The following GALNT17 variants were observed in gnomAD, a reference collection of about 807,000 sequenced individuals.
GALNT17 encodes the protein UDP-GalNAc:polypeptide N-acetylgalactosaminyltransferase-like 3.
GALNT17 carries 29 observed loss-of-function variants against 63.7 expected under a neutral mutation model. The observed-to-expected ratio is 0.46, with a 90% CI of 0.34 to 0.62. The LOEUF is 0.62. Ranked by LOEUF, GALNT17 falls within the 20% of genes least tolerant of loss-of-function variation. The pLI, the probability that GALNT17 is intolerant of heterozygous loss-of-function variation, is 0.01. For synonymous variants in GALNT17, 305 were observed against 318.3 expected (o/e 0.96, Z 0.45); for missense variants, 603 against 799.6 (o/e 0.75, Z 2.97).
At chr7:71,142,978 G>C (rs1346466119) in intron 1 of GALNT17, among the ~76,000 whole-genome samples, 1 of 151,924 alleles carries the variant, frequency 6.6e-6, no homozygotes, top group African/African-American at 2.4e-5. Flanking sequence ...CACTGAGCCT[G>C]GAAGTAGGGA....
rs115252724 is a variant in GALNT17 at position 71,384,286 on chromosome 7, C to T, written c.423-3949C>T. On this transcript the variant is annotated intron_variant, in intron 2 of 10. Transcript: ENST00000333538. ...GCTCACATGGTTGTGGTAACTGGCA[C>T]ATCCCACGTCCGCATGGTAGGTGGA... 3.9e-3 allele frequency among the ~76,000 whole-genome samples: 589 copies of T among 152,300 alleles called. 3 individuals are homozygous for T. Among genetic ancestry groups the T allele is most frequent in the African/African-American group, 0.013 (550 of 41,558 alleles).
At chr7:71,689,871 C>G (rs1791415234) in intron 9 of GALNT17, among the ~76,000 whole-genome samples, 1 of 152,144 alleles carries the variant, frequency 6.6e-6, no homozygotes, top group African/African-American at 2.4e-5. Context: ...CAGCTGGTGA[C>G]TTTAAGTTGA....
chr7:71,157,952 C>G (rs1157805362), intron 1 of GALNT17, among the ~76,000 whole-genome samples: 2 of 151,548 alleles, frequency 1.3e-5, no homozygotes, highest in Non-Finnish European at 2.9e-5. Flanking sequence ...GCAAATGACA[C>G]GATTTCATCA....
At chr7:71,260,679 T>C (rs940092659) in intron 1 of GALNT17, among the ~76,000 whole-genome samples, 3 of 151,970 alleles carry the variant, frequency 2.0e-5, no homozygotes, top group Non-Finnish European at 2.9e-5. Context: ...CCCAGCTCTC[T>C]GTACTCCTGG....
intron 1 of GALNT17, among the ~76,000 whole-genome samples, chr7:71,146,440 C>T (rs1030363504): frequency 3.3e-5 from 5 of 152,176 alleles, no homozygotes; most frequent in Admixed American, 2.6e-4. Flanking sequence ...GCCAACTCTC[C>T]ATGGGTGGCT....
At chr7:71,169,861 G>A (rs899304317) in intron 1 of GALNT17, among the ~76,000 whole-genome samples, 1 of 151,982 alleles carries the variant, frequency 6.6e-6, no homozygotes, top group Non-Finnish European at 1.5e-5. Context: ...CAGCCTTGGT[G>A]TACTTTTAGA....
chr7:71,628,809 G>A (rs1277148072), intron 6 of GALNT17, among the ~76,000 whole-genome samples: 1 of 151,990 alleles, frequency 6.6e-6, no homozygotes, highest in East Asian at 2.0e-4. Flanking sequence ...GCAAACGCCT[G>A]TAATCCCAGC....
chr7:71,150,516 CTTTTTTT>C (rs1039115599), intron 1 of GALNT17, among the ~76,000 whole-genome samples: 39 of 141,462 alleles, frequency 2.8e-4, no homozygotes, highest in Non-Finnish European at 4.7e-4. Context: ...TTTTCTTTTT[CTTTTTTT>C]TTTTTTTGAG....
At chr7:71,690,058 C>G (rs556664062) in intron 9 of GALNT17, among the ~76,000 whole-genome samples, 124 of 148,916 alleles carry the variant, frequency 8.3e-4, no homozygotes, top group African/African-American at 3.0e-3. Flanking sequence ...CGGAGTCTCA[C>G]TCTGTCACCA....
At chr7:71,563,665 A>G (rs10259301) in intron 5 of GALNT17, among the ~76,000 whole-genome samples, 18,016 of 151,826 alleles carry the variant, frequency 0.12, 1,665 homozygotes, top group African/African-American at 0.26. Context: ...TGCAGCCTCA[A>G]CCTCCCAGGT....
At chr7:71,373,585 C>T (rs898598107) in intron 2 of GALNT17, among the ~76,000 whole-genome samples, 9 of 152,078 alleles carry the variant, frequency 5.9e-5, no homozygotes, top group African/African-American at 2.2e-4. Context: ...TACAGCTGCT[C>T]CCCATCCCTC....
intron 1 of GALNT17, among the ~76,000 whole-genome samples, chr7:71,236,340 C>T (rs1258063003): frequency 2.0e-5 from 3 of 152,002 alleles, no homozygotes; most frequent in Non-Finnish European, 4.4e-5. Flanking sequence ...CTCCAAAGAC[C>T]AAACTGAAAC....
chr7:71,566,019 G>GC (rs1789338069), intron 5 of GALNT17, among the ~76,000 whole-genome samples: 1 of 140,592 alleles, frequency 7.1e-6, no homozygotes, highest in African/African-American at 2.7e-5. Flanking sequence ...AATTTTGTGG[G>GC]TTTTGTTTGT....
At chr7:71,621,536 TTG>T (rs1562713238) in intron 6 of GALNT17, among the ~76,000 whole-genome samples, 65 of 123,800 alleles carry the variant, frequency 5.3e-4, no homozygotes, top group African/African-American at 2.3e-3. Context: ...GATGGATGGA[TTG>T]ATGGATTGAT....
intron 1 of GALNT17, among the ~76,000 whole-genome samples, chr7:71,177,844 A>G (rs575300434): frequency 2.0e-5 from 3 of 152,332 alleles, no homozygotes; most frequent in African/African-American, 4.8e-5. Flanking sequence ...ACTGGAGTAT[A>G]GCTATCCAAA....
At chr7:71,202,970 G>T (rs944409099) in intron 1 of GALNT17, among the ~76,000 whole-genome samples, 15 of 152,218 alleles carry the variant, frequency 9.9e-5, no homozygotes, top group Middle Eastern at 3.4e-3. Flanking sequence ...AGGCTGAATA[G>T]TGGGTATATG....
chr7:71,690,208 A>G (rs1791421467), intron 9 of GALNT17, among the ~76,000 whole-genome samples: 1 of 151,896 alleles, frequency 6.6e-6, no homozygotes. Flanking sequence ...TATTTTTAGT[A>G]GAGACAGGGT....
intron 6 of GALNT17, among the ~76,000 whole-genome samples, chr7:71,634,407 C>T (rs10246838): frequency 0.81 from 123,225 of 152,142 alleles, 53,243 homozygotes; most frequent in East Asian, 0.99. Context: ...GTGGTTGGGG[C>T]GCAGCTTGGT....
At position 71,393,099 on chromosome 7, in the gene GALNT17, C is replaced by G. The variant is rs144886777; in HGVS notation, c.589+4698C>G. ...ACTCTTCCTTCCTGTGTTCCTAATA[C>G]TTGTTTTCTGGTATCTTGTTGTCAG... is the stretch of plus-strand genomic sequence containing the variant. On this transcript the variant is annotated intron_variant, in intron 3 of 10. Transcript: ENST00000333538. Among the ~76,000 whole-genome samples, 29 of 152,168 alleles carry G rather than the reference C, an allele frequency of 1.9e-4. No homozygotes were observed. In the East Asian group the frequency reaches 5.4e-3, roughly 28 times the overall value.
Sources: allele counts gnomAD v4.1 joint callset (sites outside exome capture counted in the v4.1 genomes callset), GRCh38; gene constraint gnomAD v4.1.1; transcripts MANE v1.5; gene names NCBI Gene and HGNC (gene_info 2026-07-23, HGNC 2026-07-21).